The following GRIK4 variants were observed in gnomAD, a reference collection of about 807,000 sequenced individuals.
GRIK4 encodes glutamate receptor ionotropic, kainate 4.
A neutral mutation model predicts 104.9 loss-of-function variants in GRIK4; 40 were observed. The observed-to-expected ratio is 0.38, with a 90% CI of 0.30 to 0.50. The LOEUF is 0.50. Among genes scored for constraint, GRIK4 ranks in the 20% least tolerant of loss-of-function variants. The pLI is 0.93. For missense variants in GRIK4, 1,047 were observed against 1,308.1 expected (o/e 0.80, Z 3.08); for synonymous variants, 485 against 524.9 (o/e 0.92, Z 1.04).
At chr11:120,612,654 A>G (rs1419255979) in intron 1 of GRIK4, among the ~76,000 whole-genome samples, 1 of 152,234 alleles carries the variant, frequency 6.6e-6, no homozygotes, top group Non-Finnish European at 1.5e-5. Context: ...CCTGAAAGCC[A>G]CTGATGACTT....
At chr11:120,647,397 G>C (rs967263211) in intron 1 of GRIK4, among the ~76,000 whole-genome samples, 1 of 152,168 alleles carries the variant, frequency 6.6e-6, no homozygotes, top group Non-Finnish European at 1.5e-5. Context: ...GCACAGCTCT[G>C]GTCCTGGCCC....
At chr11:120,921,645 C>G (rs1239813818) in intron 13 of GRIK4, among the ~76,000 whole-genome samples, 4 of 152,176 alleles carry the variant, frequency 2.6e-5, no homozygotes, top group Non-Finnish European at 5.9e-5. Context: ...GGGCCTCCAG[C>G]TCACACCACT....
chr11:120,813,714 C>T (rs924346158), intron 4 of GRIK4, among the ~76,000 whole-genome samples: 1 of 152,192 alleles, frequency 6.6e-6, no homozygotes, highest in Non-Finnish European at 1.5e-5. Flanking sequence ...GAAGAAAGAG[C>T]GTCCATGTGG....
At chr11:120,737,349 AC>A (rs1951243798) in intron 3 of GRIK4, among the ~76,000 whole-genome samples, 1 of 152,256 alleles carries the variant, frequency 6.6e-6, no homozygotes, top group Admixed American at 6.5e-5. Flanking sequence ...GACATTGAGC[AC>A]CAATAGCTGC....
At chr11:120,935,068 T>C (rs533325667) in intron 13 of GRIK4, among the ~76,000 whole-genome samples, 7 of 152,356 alleles carry the variant, frequency 4.6e-5, no homozygotes, top group African/African-American at 1.7e-4. Context: ...CTGACCGCCA[T>C]CATCCACTTA....
In GRIK4 at chr11:120,713,162, T is replaced by G. The variant is rs371434725; in HGVS notation, c.82+52762T>G. ...AAAAAACAAAGCTCATGTTTTCCTC[T>G]TTTAATAAACTTGTCCAAGTCAAGT... On this transcript the variant is annotated intron_variant, in intron 3 of 20. Coordinates refer to ENST00000527524, the MANE Select transcript of GRIK4 (RefSeq NM_014619.5). Among the ~76,000 whole-genome samples, 50 of 152,360 alleles carry G rather than the reference T, an allele frequency of 3.3e-4. No individual in the cohort carries two copies. The East Asian group carries it at 8.3e-3, about 25-fold the overall frequency.
intron 1 of GRIK4, among the ~76,000 whole-genome samples, chr11:120,624,304 C>T (rs1043022600): frequency 6.6e-6 from 1 of 152,052 alleles, no homozygotes; most frequent in Non-Finnish European, 1.5e-5. Flanking sequence ...CTTGCTGGAC[C>T]TTCCCCATGG....
intron 1 of GRIK4, among the ~76,000 whole-genome samples, chr11:120,548,998 G>C (rs1948113594): frequency 6.6e-6 from 1 of 152,204 alleles, no homozygotes; most frequent in African/African-American, 2.4e-5. Context: ...GCAGGCCCAG[G>C]ACACAGCACC....
At chr11:120,798,646 A>AT (rs1242775974) in intron 3 of GRIK4, among the ~76,000 whole-genome samples, 2 of 151,772 alleles carry the variant, frequency 1.3e-5, no homozygotes, top group Non-Finnish European at 2.9e-5. Flanking sequence ...TTCCTGGGTA[A>AT]TTTTTTTGTA....
chr11:120,602,004 C>T (rs1288612270), intron 1 of GRIK4, among the ~76,000 whole-genome samples: 1 of 152,120 alleles, frequency 6.6e-6, no homozygotes, highest in Non-Finnish European at 1.5e-5. Flanking sequence ...ATGGAACCCT[C>T]ACCTTCTGAG....
At position 120,763,025 on chromosome 11, in the gene GRIK4, G is replaced by T. The variant is rs1951775863; in HGVS notation, c.83-39668G>T. Among the ~76,000 whole-genome samples the T allele has an allele frequency of 3.3e-5, 5 of 152,264 alleles. No individual in the cohort carries two copies. In the South Asian group the frequency reaches 1.0e-3, roughly 32 times the overall value. ...AATAATTTCAGAAGGAATGGTACCA[G>T]CTCCTTTTTCTACCTCTGGTAGAAT... On this transcript the variant is annotated intron_variant, in intron 3 of 20. Transcript: ENST00000527524.
At chr11:120,832,147 A>G in intron 7 of GRIK4, 117 bp downstream of exon 7, 1 of 618,092 alleles carries the variant, frequency 1.6e-6, no homozygotes, top group Non-Finnish European at 2.8e-6. Flanking sequence ...GAACTCTTAC[A>G]AACCTCTCTC....
chr11:120,761,823 C>T (rs953781714), intron 3 of GRIK4, among the ~76,000 whole-genome samples: 2 of 152,140 alleles, frequency 1.3e-5, no homozygotes, highest in African/African-American at 4.8e-5. Context: ...TGTTTTAGTA[C>T]CAGTACCATG....
intron 1 of GRIK4, among the ~76,000 whole-genome samples, chr11:120,651,873 T>TG (rs1283075639): frequency 2.6e-5 from 4 of 152,224 alleles, no homozygotes; most frequent in African/African-American, 4.8e-5. Context: ...GCATTTAGCT[T>TG]GACTTATTCT....
intron 1 of GRIK4, among the ~76,000 whole-genome samples, chr11:120,621,646 A>G (rs1949191113): frequency 6.6e-6 from 1 of 152,118 alleles, no homozygotes; most frequent in Admixed American, 6.5e-5. Flanking sequence ...GAGTTCCAAG[A>G]TGGAGTCTAG....
At chr11:120,822,062 T>C (rs1953140189) in intron 6 of GRIK4, among the ~76,000 whole-genome samples, 1 of 151,688 alleles carries the variant, frequency 6.6e-6, no homozygotes, top group Non-Finnish European at 1.5e-5. Context: ...TATGTAAAAA[T>C]TAGACGGGTG....
chr11:120,660,153 G>A (rs939652313), intron 2 of GRIK4, 116 bp from the exon 3 acceptor site: 3 of 600,952 alleles, frequency 5.0e-6, no homozygotes, highest in Admixed American at 3.0e-5. Context: ...TTTGAGCCCG[G>A]CATGTAAGGA....
intron 3 of GRIK4, among the ~76,000 whole-genome samples, chr11:120,734,200 T>C (rs1307703858): frequency 1.5e-5 from 1 of 65,248 alleles, no homozygotes; most frequent in Non-Finnish European, 3.5e-5. Flanking sequence ...GAACTACCTT[T>C]AGCATTTTTT....
rs1463883228 is a variant in GRIK4, at chr11:120,985,967, C to T, written c.2578C>T (p.His860Tyr). 1 of 1,538,120 alleles carries T rather than the reference C, an allele frequency of 6.5e-7. No homozygotes were observed. Residue 860 changes from histidine to tyrosine, a missense_variant, in exon 21 of 21, where the codon CAC (histidine) becomes TAC (tyrosine). By Grantham distance (83) the His-to-Tyr change is moderately conservative. This residue lies in a region of GRIK4 where 440 missense variants were observed against 652.3 expected (regional missense o/e 0.67). Transcript: ENST00000527524. ...CATTATCCTGTGTCAGGACAGTATC[C>T]ACCCCCGCCGGCGGCGCGCCGCAGT... ...RSIILCQDSI[H>Y]PRRRRAAVPP...
Sources: allele counts gnomAD v4.1 joint callset (sites outside exome capture counted in the v4.1 genomes callset), GRCh38; gene constraint gnomAD v4.1.1; regional missense constraint gnomAD v4.1.1; transcripts MANE v1.5; gene names NCBI Gene and HGNC (gene_info 2026-07-23, HGNC 2026-07-21).